Variants in COL24A1 observed in about 807,000 individuals in gnomAD.
COL24A1 encodes collagen type XXIV alpha 1 chain.
COL24A1 carries 224 observed loss-of-function variants against 253.9 expected under a neutral mutation model. The observed-to-expected ratio is 0.88, with a 90% CI of 0.79 to 0.99. The LOEUF (loss-of-function observed/expected upper bound fraction) is 0.99. Among genes scored for constraint, COL24A1 ranks in the 50% least tolerant of loss-of-function variants. The pLI is 0.00. For synonymous variants in COL24A1, 685 were observed against 673.7 expected (o/e 1.02, Z -0.26); for missense variants, 2,131 against 2,068.5 (o/e 1.03, Z -0.59).
chr1:85,819,903 A>G (rs1323451251), intron 45 of COL24A1, among the ~76,000 whole-genome samples: 1 of 148,214 alleles, frequency 6.7e-6, no homozygotes, highest in African/African-American at 2.5e-5. Context: ...GTTGGAGTAC[A>G]GTGTCATGAT....
Position 86,053,447 on chromosome 1 carries a change from A to T in COL24A1, c.1852-3270T>A, listed in dbSNP as rs553588904. Among the ~76,000 whole-genome samples the T allele has an allele frequency of 2.6e-5, 4 of 152,214 alleles. No homozygotes were observed. In the South Asian group the frequency reaches 8.3e-4, roughly 32 times the overall value. On this transcript the variant is annotated intron_variant, in intron 10 of 59. Transcript: ENST00000370571. Reference sequence around the variant, plus strand: ...AGGTTTCTTGATCATCATTACACTGATTCTAACAGAAATAAGATGTCAGCA... The same window carrying T: ...AGGTTTCTTGATCATCATTACACTGTTTCTAACAGAAATAAGATGTCAGCA...
chr1:85,801,886 C>A (rs1671464306), intron 47 of COL24A1, among the ~76,000 whole-genome samples: 1 of 152,196 alleles, frequency 6.6e-6, no homozygotes, highest in Admixed American at 6.5e-5. Flanking sequence ...GGGCAGACAT[C>A]ACAAGGTATT....
Position 85,799,665 on chromosome 1 carries a change from A to G in COL24A1, c.3952-13204T>C, listed in dbSNP as rs532443220. Among the ~76,000 whole-genome samples the G allele has an allele frequency of 3.3e-5, 5 of 152,234 alleles. No homozygotes were observed. The South Asian group carries it at 1.0e-3, about 32-fold the overall frequency. ...CCACAGAGAGCAGAGACATTTATAG[A>G]AAAGATTTCCATGTACATAAATACC... On this transcript the variant is annotated intron_variant, in intron 47 of 59. Coordinates refer to ENST00000370571, the MANE Select transcript of COL24A1 (RefSeq NM_152890.7).
chr1:85,800,654 T>C (rs1313113811), intron 47 of COL24A1, among the ~76,000 whole-genome samples: 2 of 152,164 alleles, frequency 1.3e-5, no homozygotes, highest in Non-Finnish European at 2.9e-5. Context: ...CTGTTGGACA[T>C]TGAACACTAT....
intron 7 of COL24A1, among the ~76,000 whole-genome samples, chr1:86,081,159 CTTG>C (rs1212373607): frequency 2.0e-5 from 3 of 152,100 alleles, no homozygotes; most frequent in Admixed American, 6.5e-5. Flanking sequence ...TGTTTGCCTT[CTTG>C]TTGTTGTCTA....
At chr1:85,819,059 T>C (rs1673334875) in intron 45 of COL24A1, among the ~76,000 whole-genome samples, 3 of 152,202 alleles carry the variant, frequency 2.0e-5, no homozygotes, top group Non-Finnish European at 4.4e-5. Flanking sequence ...AATCCAACTT[T>C]TGCAGGATTT....
chr1:85,760,067 T>G (rs866348446), intron 55 of COL24A1, among the ~76,000 whole-genome samples: 11,098 of 151,622 alleles, frequency 0.073, 471 homozygotes, highest in Middle Eastern at 0.088. Flanking sequence ...TGTTTTTTTT[T>G]TTTTTTTGTT....
intron 51 of COL24A1, among the ~76,000 whole-genome samples, chr1:85,782,005 A>G (rs1669194064): frequency 6.6e-6 from 1 of 152,232 alleles, no homozygotes; most frequent in Non-Finnish European, 1.5e-5. Flanking sequence ...TAACTAATAT[A>G]TTTATAGCTG....
chr1:85,863,529 ACAAAAGC>A (rs1187759024), intron 37 of COL24A1, among the ~76,000 whole-genome samples: 2 of 152,226 alleles, frequency 1.3e-5, no homozygotes, highest in Non-Finnish European at 2.9e-5. Flanking sequence ...AGCAATAGCA[ACAAAAGC>A]CAAAATTGAC....
At chr1:86,119,713 T>C (rs1706535298) in intron 3 of COL24A1, among the ~76,000 whole-genome samples, 1 of 152,152 alleles carries the variant, frequency 6.6e-6, no homozygotes, top group Non-Finnish European at 1.5e-5. Flanking sequence ...CCTCTCCATA[T>C]ACCATTCTGA....
chr1:86,116,633 G>C (rs542292279), intron 3 of COL24A1, among the ~76,000 whole-genome samples: 2 of 152,090 alleles, frequency 1.3e-5, no homozygotes, highest in African/African-American at 4.8e-5. Context: ...AAAAATAACA[G>C]TTATTTTGCA....
intron 5 of COL24A1, among the ~76,000 whole-genome samples, chr1:86,110,672 G>A (rs1346811725): frequency 1.3e-5 from 2 of 152,124 alleles, no homozygotes; most frequent in African/African-American, 4.8e-5. Flanking sequence ...GGCAGTGAGG[G>A]GCTTAGCACC....
At chr1:85,856,344 C>T (rs1243463924) in intron 37 of COL24A1, among the ~76,000 whole-genome samples, 1 of 151,986 alleles carries the variant, frequency 6.6e-6, no homozygotes, top group Non-Finnish European at 1.5e-5. Flanking sequence ...TATAAACTTC[C>T]CTCTTAACAC....
At chr1:86,096,785 C>A (rs374174188) in intron 5 of COL24A1, among the ~76,000 whole-genome samples, 23 of 152,324 alleles carry the variant, frequency 1.5e-4, no homozygotes, top group African/African-American at 5.5e-4. Flanking sequence ...ACTTTAAATT[C>A]ATAACTTCTT....
At chr1:85,836,578 G>T (rs1365423754) in intron 43 of COL24A1, among the ~76,000 whole-genome samples, 1 of 152,160 alleles carries the variant, frequency 6.6e-6, no homozygotes, top group African/African-American at 2.4e-5. Flanking sequence ...TCAAACTTGT[G>T]CTAGGAGAAA....
chr1:85,849,926 G>A (rs1677569246), intron 37 of COL24A1, among the ~76,000 whole-genome samples: 1 of 151,986 alleles, frequency 6.6e-6, no homozygotes, highest in Non-Finnish European at 1.5e-5. Flanking sequence ...CATGGTCAAG[G>A]AAAATTTCAA....
chr1:86,040,153 A>G (rs1262259016), intron 12 of COL24A1, among the ~76,000 whole-genome samples: 1 of 152,084 alleles, frequency 6.6e-6, no homozygotes, highest in Non-Finnish European at 1.5e-5. Flanking sequence ...GGTATACAAC[A>G]TCATGTTCTG....
chr1:86,056,067 G>A (rs1700641125), intron 10 of COL24A1, among the ~76,000 whole-genome samples: 1 of 148,926 alleles, frequency 6.7e-6, no homozygotes, highest in Non-Finnish European at 1.5e-5. Flanking sequence ...GCAGTGAGCC[G>A]AGATCACACC....
At chr1:85,738,352 T>C (rs1570399620) in intron 57 of COL24A1, among the ~76,000 whole-genome samples, 1 of 152,184 alleles carries the variant, frequency 6.6e-6, no homozygotes, top group African/African-American at 2.4e-5. Context: ...ATCATACAAT[T>C]AAATGTTTAT....
Sources: allele counts gnomAD v4.1 joint callset (sites outside exome capture counted in the v4.1 genomes callset), GRCh38; gene constraint gnomAD v4.1.1; transcripts MANE v1.5; gene names NCBI Gene and HGNC (gene_info 2026-07-23, HGNC 2026-07-21).